MS4A6E: variants seen among roughly 807,000 people sequenced by gnomAD.
The protein encoded by MS4A6E is membrane spanning 4-domains A6E.
A neutral mutation model predicts 13.2 loss-of-function variants in MS4A6E; 8 were observed. That is an observed-to-expected ratio of 0.60 (90% CI 0.35 to 1.09). MS4A6E has a LOEUF of 1.09. Among genes scored for constraint, MS4A6E ranks in the 50% least tolerant of loss-of-function variants. The pLI is 0.02. For synonymous variants in MS4A6E, 72 were observed against 67.6 expected (o/e 1.06, Z -0.32); for missense variants, 177 against 171.1 (o/e 1.03, Z -0.19).
chr11:60,329,689 T>C (rs955840698), intron 1 of MS4A6E, among the ~76,000 whole-genome samples: 7 of 152,194 alleles, frequency 4.6e-5, no homozygotes, highest in Non-Finnish European at 8.8e-5. Context: ...ACTATTCTAA[T>C]TGGCATGAGA....
intron 1 of MS4A6E, among the ~76,000 whole-genome samples, chr11:60,332,798 T>G (rs923413930): frequency 6.6e-6 from 1 of 152,224 alleles, no homozygotes; most frequent in African/African-American, 2.4e-5. Context: ...CCAAATAATA[T>G]ATGTAAGACA....
intron 1 of MS4A6E, among the ~76,000 whole-genome samples, chr11:60,331,630 A>C (rs1461775093): frequency 6.6e-6 from 1 of 152,214 alleles, no homozygotes; most frequent in Non-Finnish European, 1.5e-5. Context: ...TCATTGCATC[A>C]CATAAGGATG....
intron 3 of MS4A6E, 144 bp from the exon 4 acceptor site, chr11:60,339,722 A>C: frequency 1.4e-6 from 1 of 691,436 alleles, no homozygotes; most frequent in Non-Finnish European, 2.6e-6. Context: ...AATTGTGAGG[A>C]GGAGCAGTTT....
intron 1 of MS4A6E, among the ~76,000 whole-genome samples, chr11:60,330,335 CTTTTTTTTTTTTTT>C (rs71036576): frequency 0.077 from 4,754 of 61,442 alleles, 485 homozygotes; most frequent in African/African-American, 0.25. Flanking sequence ...AATTTTGGCT[CTTTTTTTTTTTTTT>C]TTTTTTTTTT....
chr11:60,347,331 A>G (rs2085260711), intron 4 of MS4A6E, among the ~76,000 whole-genome samples: 1 of 152,218 alleles, frequency 6.6e-6, no homozygotes, highest in Non-Finnish European at 1.5e-5. Context: ...AAGCCTGTAC[A>G]TAGGGGATCT....
In MS4A6E at chr11:60,330,335, C is replaced by CTTTT. The variant is rs71036576; in HGVS notation, c.-15+2949_-15+2952dup. ...TAGATCCCATTTGTTAATTTTGGCT[C>CTTTT]TTTTTTTTTTTTTTTTTTTTTTTTT... is the stretch of plus-strand genomic sequence containing the variant. On this transcript the variant is annotated intron_variant, in intron 1 of 4. Transcript: ENST00000684409. Among the ~76,000 whole-genome samples, 491 of 61,148 alleles carry CTTTT rather than the reference C, an allele frequency of 8.0e-3. 21 individuals carry two copies. The highest frequency in any genetic ancestry group is 0.016 in the Middle Eastern group (1 of 64). 40.1% of individuals were successfully genotyped at this position (61,148 alleles called of 152,430 possible).
chr11:60,341,288 C>T lies in MS4A6E; in HGVS notation c.*522C>T, dbSNP rs1031834154. On this transcript the variant is annotated 3_prime_UTR_variant, in exon 5 of 5. Transcript: ENST00000684409. Reference sequence around the variant, plus strand: ...AAAGGCAAACCCCATAATGAAGTCTCCGAGTGTATGAAAGTAGCCGGCTTC... The same window carrying T: ...AAAGGCAAACCCCATAATGAAGTCTTCGAGTGTATGAAAGTAGCCGGCTTC... Among the ~76,000 whole-genome samples, 2 of 152,164 alleles carry T rather than the reference C, an allele frequency of 1.3e-5. No individual in the cohort carries two copies. The highest frequency in any genetic ancestry group is 4.8e-5 in the African/African-American group (2 of 41,438).
chr11:60,344,916 TTTTG>T (rs1170151833), downstream of MS4A6E, among the ~76,000 whole-genome samples: 1 of 137,060 alleles, frequency 7.3e-6, no homozygotes, highest in African/African-American at 3.1e-5. Context: ...GTTTTGTTTT[TTTTG>T]TTTGTTTTTT....
At chr11:60,336,851 GAGTTGGAGTAAAGGA>G (rs767939244) in intron 2 of MS4A6E, among the ~76,000 whole-genome samples, 45 of 152,168 alleles carry the variant, frequency 3.0e-4, no homozygotes, top group Non-Finnish European at 5.0e-4. Flanking sequence ...TTTTCTGTGT[GAGTTGGAGTAAAGGA>G]AGTCACTTCT....
intron 2 of MS4A6E, 53 bp from the exon 3 acceptor site, chr11:60,337,688 A>C: frequency 3.1e-6 from 5 of 1,603,236 alleles, no homozygotes; most frequent in Non-Finnish European, 4.3e-6. Flanking sequence ...AAAAGGGATA[A>C]GAGAGATTCG....
In MS4A6E at chr11:60,331,324, C is replaced by T. The variant is rs540283116; in HGVS notation, c.-14-3558C>T. On this transcript the variant is annotated intron_variant, in intron 1 of 4. Transcript: ENST00000684409. ...TAAAAATATGAGGATAATGGAGGGGCTTATGTGTTTATATATAAATAAACA... is the reference window on the plus strand; with the variant it reads ...TAAAAATATGAGGATAATGGAGGGGTTTATGTGTTTATATATAAATAAACA... Among the ~76,000 whole-genome samples the T allele has an allele frequency of 4.6e-5, 7 of 152,100 alleles. No homozygotes were observed. In the South Asian group the frequency reaches 1.5e-3, roughly 32 times the overall value.
rs781149738 is a variant in MS4A6E at position 60,339,884 on chromosome 11, C to A, written c.373C>A (p.Leu125Met). Residue 125 changes from leucine (L) to methionine (M), a missense_variant, in exon 4 of 5, where the codon CTG (leucine) becomes ATG (methionine). Coordinates refer to ENST00000684409, the MANE Select transcript of MS4A6E (RefSeq NM_139249.4). ...ASLAGTLSLMLVSTVLEFCLA... is the reference protein window; with the variant it reads ...ASLAGTLSLMMVSTVLEFCLA... ...CTTTCAGGGAACTCTGTCTCTGATG[C>A]TGGTTTCTACTGTGTTGGAGTTCTG... 1.1e-5 allele frequency: 17 copies of A among 1,613,724 alleles called. No individual in the cohort carries two copies. In the South Asian group the frequency reaches 1.8e-4, roughly 17 times the overall value.
chr11:60,339,909 G>A lies in MS4A6E; in HGVS notation c.398G>A (p.Cys133Tyr), dbSNP rs2085213219. The change falls in exon 4 of 5, where the codon TGC becomes TAC. Residue 133 changes from cysteine (C) to tyrosine (Y), a missense_variant. Transcript: ENST00000684409. The stretch of plus-strand genomic sequence containing the variant: ...CTGGTTTCTACTGTGTTGGAGTTCT[G>A]CCTAGCTGTGCTCACTGCTGTGCTG... ...LMLVSTVLEFCLAVLTAVLQW... is the reference protein window; with the variant it reads ...LMLVSTVLEFYLAVLTAVLQW... 6.2e-7 allele frequency: 1 copy of A among 1,613,692 alleles called. No individual in the cohort carries two copies. Among genetic ancestry groups the A allele is most frequent in the South Asian group, 1.1e-5 (1 of 91,068 alleles).
chr11:60,330,410 C>T (rs1229329226), intron 1 of MS4A6E, among the ~76,000 whole-genome samples: 9 of 135,596 alleles, frequency 6.6e-5, no homozygotes, highest in Non-Finnish European at 9.2e-5. Flanking sequence ...GGCGCGATCT[C>T]GGCTCACTGC....
rs1251550666 is a variant in MS4A6E, at chr11:60,340,612, T to C, written c.*10-164T>C. The stretch of plus-strand genomic sequence containing the variant: ...GAATACTAGACTGATAAATTGTAAT[T>C]ATTTGAAGAACCCAGTGATCTGCTC... On this transcript the variant is annotated intron_variant, in intron 4 of 4. Coordinates refer to ENST00000684409, the MANE Select transcript of MS4A6E (RefSeq NM_139249.4). Among the ~76,000 whole-genome samples, 6 of 152,232 alleles carry C rather than the reference T, an allele frequency of 3.9e-5. No individual in the cohort carries two copies. The East Asian group carries it at 9.6e-4, about 24-fold the overall frequency.
chr11:60,342,525 T>C (rs2085234901), downstream of MS4A6E, among the ~76,000 whole-genome samples: 1 of 152,168 alleles, frequency 6.6e-6, no homozygotes, highest in Admixed American at 6.5e-5. Flanking sequence ...AGGTCGTGTC[T>C]GATTTACATC....
chr11:60,341,834 T>G (rs1195064566), downstream of MS4A6E, among the ~76,000 whole-genome samples: 1 of 152,176 alleles, frequency 6.6e-6, no homozygotes, highest in South Asian at 2.1e-4. Flanking sequence ...CATTAGGTCT[T>G]CTCCCTGTCC....
At chr11:60,330,197 G>A (rs2085145536) in intron 1 of MS4A6E, among the ~76,000 whole-genome samples, 1 of 150,220 alleles carries the variant, frequency 6.7e-6, no homozygotes, top group African/African-American at 2.5e-5. Flanking sequence ...GTAGATTCTG[G>A]ATATTAGCCC....
chr11:60,337,650 T>G, intron 2 of MS4A6E, 91 bp from the exon 3 acceptor site: 3 of 1,485,764 alleles, frequency 2.0e-6, no homozygotes, highest in Middle Eastern at 2.4e-4. Flanking sequence ...GGGAGACAGA[T>G]AAGGGAATAA....
Sources: allele counts gnomAD v4.1 joint callset (sites outside exome capture counted in the v4.1 genomes callset), GRCh38; gene constraint gnomAD v4.1.1; transcripts MANE v1.5; gene names NCBI Gene and HGNC (gene_info 2026-07-23, HGNC 2026-07-21).